SUV39H2: variants seen among roughly 807,000 people sequenced by gnomAD.
SUV39H2 encodes the protein SUV39H2 histone lysine methyltransferase, also known as histone-lysine N-methyltransferase SUV39H2.
SUV39H2 carries 10 observed loss-of-function variants against 47.5 expected under a neutral mutation model. The observed-to-expected ratio is 0.21, with a 90% CI of 0.13 to 0.36. The LOEUF is 0.36. SUV39H2 is among the 10% of genes least tolerant of loss of function. The probability of loss-of-function intolerance (pLI) is 1.00; values close to 1 mark genes in which losing one functional copy is unlikely to be tolerated. For missense variants in SUV39H2, 266 were observed against 487.4 expected, an observed-to-expected ratio of 0.55 and a Z score of 4.28; for synonymous variants, 159 against 166.8, an observed-to-expected ratio of 0.95 and a Z score of 0.36.
chr10:14,880,858 T>C (rs1833021337), intron 1 of SUV39H2, among the ~76,000 whole-genome samples: 1 of 152,278 alleles, frequency 6.6e-6, no homozygotes, highest in East Asian at 1.9e-4. Flanking sequence ...TATACTCCAT[T>C]TTTTTAATAA....
At chr10:14,901,109 A>T (rs375907585) in intron 4 of SUV39H2, 24 bp from the exon 5 acceptor site, 90 of 1,612,318 alleles carry the variant, frequency 5.6e-5, no homozygotes, top group Non-Finnish European at 7.4e-5. Flanking sequence ...TTGTACTTAA[A>T]TGGGTTCTAA....
intron 2 of SUV39H2, among the ~76,000 whole-genome samples, chr10:14,882,966 C>G (rs953890836): frequency 1.3e-5 from 2 of 151,760 alleles, no homozygotes; most frequent in Admixed American, 6.6e-5. Context: ...CTCCTGGGTT[C>G]CAGCGATTCT....
chr10:14,898,772 T>G (rs1250834088), intron 3 of SUV39H2: 1 of 154,598 alleles, frequency 6.5e-6, no homozygotes, highest in African/African-American at 2.4e-5. Flanking sequence ...TGCATGAAAA[T>G]AACATATTCT....
rs1041890557 is a variant in SUV39H2 at position 14,878,898 on chromosome 10, G to T, written c.10G>T (p.Val4Phe). The part of the protein sequence containing the change: MAA[V>F]GAEARGAWCV... Reference sequence around the variant, plus strand: ...ATGAAAGCTCTACAAGATGGCGGCGGTCGGGGCCGAGGCGCGAGGAGGTGA... The same window carrying T: ...ATGAAAGCTCTACAAGATGGCGGCGTTCGGGGCCGAGGCGCGAGGAGGTGA... The change falls in exon 1 of 6, where the codon GTC (valine) becomes TTC (phenylalanine). Residue 4 changes from valine to phenylalanine, a missense_variant. Val to Phe is a conservative substitution (Grantham distance 50, BLOSUM62 -1). Coordinates refer to ENST00000354919, the MANE Select transcript of SUV39H2 (RefSeq NM_001193424.2). 2 of 1,484,738 alleles carry T rather than the reference G, an allele frequency of 1.3e-6. No homozygotes were observed. Among genetic ancestry groups the T allele is most frequent in the Non-Finnish European group, 1.8e-6 (2 of 1,116,154 alleles). The allele number at this position is 1,484,738 out of a possible 1,614,324, so 92.0% of individuals were successfully genotyped here. A position where few individuals can be genotyped will look rare whatever the true frequency, so the allele number is the denominator to read the frequency against.
intron 5 of SUV39H2, among the ~76,000 whole-genome samples, chr10:14,901,662 C>A (rs1478199910): frequency 6.6e-6 from 1 of 151,440 alleles, no homozygotes; most frequent in Non-Finnish European, 1.5e-5. Context: ...GAAACTCTGT[C>A]TCTACAAAAT....
At chr10:14,895,178 T>C (rs532648470) in intron 2 of SUV39H2, among the ~76,000 whole-genome samples, 9 of 131,314 alleles carry the variant, frequency 6.9e-5, no homozygotes, top group Non-Finnish European at 1.1e-4. Flanking sequence ...TTTTTTACTT[T>C]TATTTTTTTT....
intron 4 of SUV39H2, among the ~76,000 whole-genome samples, chr10:14,899,991 A>G (rs1056610774): frequency 6.6e-6 from 1 of 152,230 alleles, no homozygotes; most frequent in Non-Finnish European, 1.5e-5. Context: ...GAGCAGAGCA[A>G]TTAAGAGGTA....
intron 4 of SUV39H2, among the ~76,000 whole-genome samples, chr10:14,900,626 C>T (rs1014918309): frequency 2.3e-4 from 35 of 152,244 alleles, no homozygotes; most frequent in African/African-American, 8.4e-4. Flanking sequence ...CTTGCATATT[C>T]CGTAAGTTTA....
chr10:14,891,586 A>G (rs1413676871), intron 2 of SUV39H2, among the ~76,000 whole-genome samples: 3 of 152,208 alleles, frequency 2.0e-5, no homozygotes, highest in African/African-American at 7.2e-5. Context: ...GCCTGAAGTA[A>G]CTAACCCTAT....
In SUV39H2 at chr10:14,897,328, C is replaced by T; in HGVS notation, c.660C>T (p.Ile220=). The T allele has an allele frequency of 6.2e-7, 1 of 1,613,072 alleles. No individual in the cohort carries two copies. The highest frequency in any genetic ancestry group is 8.5e-7 in the Non-Finnish European group (1 of 1,179,840). The change falls in exon 3 of 6, where the codon ATC becomes ATT. Residue 220 remains isoleucine (I), a synonymous_variant. Transcript: ENST00000354919. ...ATAATAAAAACCAACAAATTAAAAT[C>T]CCACCTGGTACTCCCATCTATGAAT... is the stretch of plus-strand genomic sequence containing the variant. ...LAYNKNQQIK[I]PPGTPIYECN...
intron 2 of SUV39H2, among the ~76,000 whole-genome samples, chr10:14,882,776 T>C (rs1421029954): frequency 2.0e-5 from 3 of 152,096 alleles, no homozygotes; most frequent in African/African-American, 7.2e-5. Flanking sequence ...AACTCTCAAC[T>C]TACCTTCACC....
intron 2 of SUV39H2, among the ~76,000 whole-genome samples, chr10:14,887,839 C>T (rs1833262025): frequency 6.6e-6 from 1 of 152,174 alleles, no homozygotes; most frequent in Admixed American, 6.5e-5. Context: ...TCTCACTTAT[C>T]CTGGAGAGAC....
chr10:14,899,155 C>G (rs1833813613), intron 3 of SUV39H2: 1 of 696,090 alleles, frequency 1.4e-6, no homozygotes. Flanking sequence ...CCCCACATCT[C>G]TATAAAAACT....
At chr10:14,880,234 G>C (rs952966551) in intron 1 of SUV39H2, among the ~76,000 whole-genome samples, 2 of 152,122 alleles carry the variant, frequency 1.3e-5, no homozygotes, top group Non-Finnish European at 2.9e-5. Flanking sequence ...CTTTAGGATG[G>C]AATCGTTTGC....
intron 2 of SUV39H2, among the ~76,000 whole-genome samples, chr10:14,884,547 G>A (rs1195525686): frequency 6.6e-6 from 1 of 152,144 alleles, no homozygotes; most frequent in Non-Finnish European, 1.5e-5. Flanking sequence ...CATATAGTCT[G>A]GATACAAATC....
In SUV39H2 at chr10:14,903,522, A is replaced by G. The variant is rs1472871185; in HGVS notation, c.*1010A>G. 2.0e-5 allele frequency: 3 copies of G among 152,210 alleles called. No homozygotes were observed. Among genetic ancestry groups the G allele is most frequent in the African/African-American group, 7.2e-5 (3 of 41,454 alleles). 9.4% of individuals were successfully genotyped at this position (152,210 alleles called of 1,614,324 possible). On this transcript the variant is annotated 3_prime_UTR_variant, in exon 6 of 6. Transcript: ENST00000354919. ...GCAGGTTCTTCTTAAAAAGTAATCT[A>G]TATTTTTGAACTGATACTTGTTTTA...
chr10:14,897,047 A>G lies in SUV39H2; in HGVS notation c.379A>G (p.Ile127Val), dbSNP rs201043867. 3 of 1,614,156 alleles carry G rather than the reference A, an allele frequency of 1.9e-6. No homozygotes were observed. In the African/African-American group the frequency reaches 4.0e-5, roughly 22 times the overall value. ...TTTGAAACCTGCCATTGCTGAGTAC[A>G]TTGTGAAGAAGGCTAAACAAAGGAT... Reference protein sequence around the residue: ...KTLKPAIAEYIVKKAKQRIAL... With the variant: ...KTLKPAIAEYVVKKAKQRIAL... The change falls in exon 3 of 6, where the codon ATT becomes GTT. Residue 127 changes from isoleucine (I) to valine (V), a missense_variant. Physicochemically the swap from Ile to Val is conservative, Grantham distance 29. Coordinates refer to ENST00000354919, the MANE Select transcript of SUV39H2 (RefSeq NM_001193424.2).
At chr10:14,893,197 G>T (rs1303464710) in intron 2 of SUV39H2, among the ~76,000 whole-genome samples, 1 of 150,884 alleles carries the variant, frequency 6.6e-6, no homozygotes, top group Non-Finnish European at 1.5e-5. Context: ...TAGAGACGGG[G>T]TTTCACCGTG....
intron 2 of SUV39H2, among the ~76,000 whole-genome samples, chr10:14,882,029 A>G (rs1833053558): frequency 6.6e-6 from 1 of 152,208 alleles, no homozygotes; most frequent in South Asian, 2.1e-4. Context: ...CAAGAACATC[A>G]CCATTTGCAT....
Sources: allele counts gnomAD v4.1 joint callset (sites outside exome capture counted in the v4.1 genomes callset), GRCh38; gene constraint gnomAD v4.1.1; transcripts MANE v1.5; gene names NCBI Gene and HGNC (gene_info 2026-07-23, HGNC 2026-07-21).